The following DSCAM variants were observed in gnomAD, a reference collection of about 807,000 sequenced individuals.
DSCAM encodes cell adhesion molecule DSCAM.
A neutral mutation model predicts 217.7 loss-of-function variants in DSCAM; 47 were observed. The ratio of observed to expected loss-of-function variants is 0.22; its 90% CI spans 0.17 to 0.28. The LOEUF (loss-of-function observed/expected upper bound fraction) is 0.28, where lower values mean the gene tolerates loss of function less well. Ranked by LOEUF, DSCAM falls within the 10% of genes least tolerant of loss-of-function variation. The pLI is 1.00. For synonymous variants in DSCAM, 1,056 were observed against 1,015.3 expected (o/e 1.04, Z -0.76); for missense variants, 2,080 against 2,618.3 (o/e 0.79, Z 4.49).
intron 4 of DSCAM, among the ~76,000 whole-genome samples, chr21:40,355,071 G>A (rs2074677315): frequency 6.6e-6 from 1 of 152,162 alleles, no homozygotes; most frequent in African/African-American, 2.4e-5. Flanking sequence ...TGGAGCTCAT[G>A]TTCTGTTGGG....
At chr21:40,248,718 C>T (rs1286058554) in intron 11 of DSCAM, among the ~76,000 whole-genome samples, 1 of 152,182 alleles carries the variant, frequency 6.6e-6, no homozygotes, top group Non-Finnish European at 1.5e-5. Flanking sequence ...TCCAAAGTTG[C>T]TTCCATATTT....
intron 3 of DSCAM, among the ~76,000 whole-genome samples, chr21:40,654,439 C>T (rs2090050612): frequency 1.3e-5 from 2 of 152,166 alleles, no homozygotes; most frequent in African/African-American, 2.4e-5. Flanking sequence ...TTGTTCACTG[C>T]ACTAAATTTT....
At chr21:40,382,971 T>C (rs1290210521) in intron 3 of DSCAM, 1 of 152,244 alleles carries the variant, frequency 6.6e-6, no homozygotes, top group Admixed American at 6.5e-5. Flanking sequence ...GTGCAAACAA[T>C]TGCAAAACAG....
chr21:40,237,484 G>A (rs2073095150), intron 11 of DSCAM, among the ~76,000 whole-genome samples: 1 of 152,130 alleles, frequency 6.6e-6, no homozygotes, highest in Non-Finnish European at 1.5e-5. Context: ...CTGTTCTTGT[G>A]TTAGTTTGCT....
At chr21:40,634,858 A>G (rs888851678) in intron 3 of DSCAM, among the ~76,000 whole-genome samples, 1 of 152,192 alleles carries the variant, frequency 6.6e-6, no homozygotes, top group Non-Finnish European at 1.5e-5. Flanking sequence ...TTAAAGCATT[A>G]AACAGCCTCA....
At chr21:40,615,984 C>G (rs888322150) in intron 3 of DSCAM, among the ~76,000 whole-genome samples, 3 of 151,694 alleles carry the variant, frequency 2.0e-5, no homozygotes, top group African/African-American at 7.3e-5. Flanking sequence ...GTTTTGAAAT[C>G]AAATCAAACA....
intron 4 of DSCAM, among the ~76,000 whole-genome samples, chr21:40,367,270 C>G (rs1489842046): frequency 6.6e-6 from 1 of 152,134 alleles, no homozygotes; most frequent in Non-Finnish European, 1.5e-5. Flanking sequence ...TACCATAAAC[C>G]CAACAGGCTG....
chr21:40,272,962 A>T (rs2073639130), intron 11 of DSCAM, among the ~76,000 whole-genome samples: 1 of 152,170 alleles, frequency 6.6e-6, no homozygotes, highest in Non-Finnish European at 1.5e-5. Context: ...GTTGCTAAAG[A>T]CACCACTCCA....
At chr21:40,046,299 G>GAGAT (rs1601265539) in intron 30 of DSCAM, among the ~76,000 whole-genome samples, 1 of 152,188 alleles carries the variant, frequency 6.6e-6, no homozygotes, top group Non-Finnish European at 1.5e-5. Context: ...GGCAGCCAAA[G>GAGAT]AGATAGATTT....
At chr21:40,033,394 AGTCAAAGAAAGGGGT>A in intron 32 of DSCAM, among the ~76,000 whole-genome samples, 1 of 152,142 alleles carries the variant, frequency 6.6e-6, no homozygotes, top group Non-Finnish European at 1.5e-5. Context: ...TCCCTTTCCT[AGTCAAAGAAAGGGGT>A]GACGGACGGC....
intron 24 of DSCAM, among the ~76,000 whole-genome samples, chr21:40,081,088 C>T (rs769748962): frequency 6.6e-6 from 1 of 152,198 alleles, no homozygotes; most frequent in East Asian, 1.9e-4. Flanking sequence ...AGCAGTTAAG[C>T]GGTGAGTCCC....
intron 16 of DSCAM, among the ~76,000 whole-genome samples, chr21:40,157,938 C>T (rs1038311333): frequency 6.6e-6 from 1 of 152,108 alleles, no homozygotes; most frequent in Non-Finnish European, 1.5e-5. Flanking sequence ...AAGCAATCCT[C>T]CCAATTCAGC....
chr21:40,771,137 GGCTTCAC>G (rs1292201511), intron 1 of DSCAM, among the ~76,000 whole-genome samples: 2 of 152,190 alleles, frequency 1.3e-5, no homozygotes, highest in African/African-American at 4.8e-5. Context: ...AAGAGCTGTA[GGCTTCAC>G]GCAGTGGGAG....
rs2088086546 is a variant in DSCAM at position 40,012,976 on chromosome 21, T to G, written c.*58A>C. On this transcript the variant is annotated 3_prime_UTR_variant, in exon 33 of 33. Coordinates refer to ENST00000400454, the MANE Select transcript of DSCAM (RefSeq NM_001389.5). ...ATATTGGAATTCCGTAAAAAAAAGGTAGCTTTGATTGAATTGTTTGAATTG... is the reference window on the plus strand; with the variant it reads ...ATATTGGAATTCCGTAAAAAAAAGGGAGCTTTGATTGAATTGTTTGAATTG... 2 of 1,212,786 alleles carry G rather than the reference T, an allele frequency of 1.6e-6. No homozygotes were observed. The highest frequency in any genetic ancestry group is 6.2e-5 in the Admixed American group (2 of 32,094). The allele number at this position is 1,212,786 out of a possible 1,614,324, so 75.1% of individuals were successfully genotyped here. A position where few individuals can be genotyped will look rare whatever the true frequency, so the allele number is the denominator to read the frequency against.
intron 17 of DSCAM, among the ~76,000 whole-genome samples, chr21:40,143,720 G>A (rs2146716447): frequency 6.6e-6 from 1 of 152,300 alleles, no homozygotes; most frequent in Non-Finnish European, 1.5e-5. Flanking sequence ...GAACCCGGGA[G>A]GCGGAGCTTG....
chr21:40,538,137 A>G (rs1192134132), intron 3 of DSCAM, among the ~76,000 whole-genome samples: 2 of 152,140 alleles, frequency 1.3e-5, no homozygotes, highest in South Asian at 2.1e-4. Context: ...TTGACAGCCA[A>G]ATAATTTGGG....
chr21:40,370,470 C>A (rs1000066700), intron 3 of DSCAM, among the ~76,000 whole-genome samples: 5 of 152,038 alleles, frequency 3.3e-5, no homozygotes, highest in Non-Finnish European at 5.9e-5. Flanking sequence ...GTTGAAACAT[C>A]CTTTAGTTTA....
chr21:40,114,591 C>T (rs1340485476), intron 20 of DSCAM, among the ~76,000 whole-genome samples: 6 of 152,254 alleles, frequency 3.9e-5, no homozygotes, highest in East Asian at 1.9e-4. Flanking sequence ...AGAGCTTCTG[C>T]ACAGCAAAAG....
intron 3 of DSCAM, among the ~76,000 whole-genome samples, chr21:40,402,049 C>CATTT (rs2075239424): frequency 1.7e-5 from 1 of 58,212 alleles, no homozygotes; most frequent in East Asian, 6.6e-4. Context: ...ATTCTTATTC[C>CATTT]TTTTTTTTTT....
Sources: gnomAD v4.1 joint callset for allele counts (sites outside exome capture counted in the v4.1 genomes callset) on GRCh38, gnomAD v4.1.1 for gene constraint, MANE v1.5 for transcripts, NCBI Gene and HGNC (gene_info 2026-07-23, HGNC 2026-07-21) for gene names.